Variants in TUBA1C observed in about 807,000 individuals in gnomAD.
The protein encoded by TUBA1C is tubulin alpha 1c, also known as tubulin alpha-1C chain.
A neutral mutation model predicts 34.9 loss-of-function variants in TUBA1C; 16 were observed. The ratio of observed to expected loss-of-function variants is 0.46; its 90% confidence interval spans 0.31 to 0.70. TUBA1C has a LOEUF of 0.70. Among genes scored for constraint, TUBA1C ranks in the 30% least tolerant of loss-of-function variants. The probability of loss-of-function intolerance (pLI) is 0.05; values close to 1 mark genes in which losing one functional copy is unlikely to be tolerated. For missense variants in TUBA1C, 329 were observed against 587.3 expected (o/e 0.56, Z 4.55); for synonymous variants, 177 against 215.9 (o/e 0.82, Z 1.58).
At position 49,273,045 on chromosome 12, in the gene TUBA1C, C is replaced by T. The variant is rs368180124; in HGVS notation, c.1168C>T (p.Arg390Cys). The T allele has an allele frequency of 9.9e-6, 16 of 1,614,158 alleles. No homozygotes were observed. Among genetic ancestry groups the T allele is most frequent in the Middle Eastern group, 1.6e-4 (1 of 6,062 alleles). The change falls in exon 4 of 4, where the codon CGC becomes TGC. Residue 390 changes from arginine to cysteine, a missense_variant. This residue lies in a region of TUBA1C where 140 missense variants were observed against 289.8 expected (regional missense o/e 0.48). Coordinates refer to ENST00000301072, the MANE Select transcript of TUBA1C (RefSeq NM_032704.5). ...CACAGCTGTTGCCGAGGCCTGGGCT[C>T]GCCTGGACCACAAGTTTGACCTGAT... ...NTTAVAEAWARLDHKFDLMYA... is the reference protein window; with the variant it reads ...NTTAVAEAWACLDHKFDLMYA...
Position 49,268,379 on chromosome 12 carries a change from A to C in TUBA1C, c.4-1086A>C, listed in dbSNP as rs560017740. Among the ~76,000 whole-genome samples the C allele has an allele frequency of 4.0e-5, 6 of 150,996 alleles. No individual in the cohort carries two copies. The East Asian group carries it at 5.8e-4, about 15-fold the overall frequency. ...CTCCCAAAGTCCTGGGATTACAGGC[A>C]TGAGCCACTGTGCTCTACCATAATT... On this transcript the variant is annotated intron_variant, in intron 1 of 3. Transcript: ENST00000301072.
intron 1 of TUBA1C, among the ~76,000 whole-genome samples, chr12:49,268,254 A>G (rs143285728): frequency 2.0e-5 from 3 of 152,092 alleles, no homozygotes; most frequent in African/African-American, 7.2e-5. Flanking sequence ...GCGCACCACC[A>G]TGCCTGGCTA....
At chr12:49,247,363 C>G (rs532007759) in intron 1 of TUBA1C, among the ~76,000 whole-genome samples, 6 of 145,906 alleles carry the variant, frequency 4.1e-5, no homozygotes, top group Admixed American at 1.4e-4. Context: ...TCAAGACCAG[C>G]CTGACCAATA....
rs537424428 is a variant in TUBA1C, at chr12:49,274,333, C to G, written c.*1106C>G. On this transcript the variant is annotated 3_prime_UTR_variant, in exon 4 of 4. Transcript: ENST00000301072. ...TTTTTTTGGTAGAGATGGGGTTTTG[C>G]CATGTTGCTTAGGCTGGCCTTGAAC... 6 of 106,526 alleles carry G rather than the reference C, an allele frequency of 5.6e-5. No homozygotes were observed. In the South Asian group the frequency reaches 2.1e-3, roughly 38 times the overall value. The allele number at this position is 106,526 out of a possible 1,614,324, so 6.6% of individuals were successfully genotyped here.
chr12:49,264,651 A>C, upstream of TUBA1C: 1 of 152,542 alleles, frequency 6.6e-6, no homozygotes, highest in Non-Finnish European at 1.5e-5. Flanking sequence ...TCGCCCTCTT[A>C]CCTGGAGCTT....
At chr12:49,265,455 A>G (rs1207728971) in intron 1 of TUBA1C, among the ~76,000 whole-genome samples, 1 of 152,226 alleles carries the variant, frequency 6.6e-6, no homozygotes, top group Non-Finnish European at 1.5e-5. Context: ...AGGGCCCGCT[A>G]CTGCCCTAGG....
In TUBA1C at chr12:49,272,665, C is replaced by G; in HGVS notation, c.788C>G (p.Pro263Arg). 3 of 1,610,684 alleles carry G rather than the reference C, an allele frequency of 1.9e-6. No individual in the cohort carries two copies. The highest frequency in any genetic ancestry group is 2.5e-6 in the Non-Finnish European group (3 of 1,179,056). The change falls in exon 4 of 4, where the codon CCC (proline) becomes CGC (arginine). Residue 263 changes from proline to arginine, a missense_variant. Around this residue, in one of 4 missense-constraint regions of TUBA1C, gnomAD observed 140 missense variants for 289.8 expected, o/e 0.48. Transcript: ENST00000301072. ...TTCCAGACCAACCTGGTGCCCTACC[C>G]CCGCATCCACTTCCCTCTGGCCACA... ...TEFQTNLVPYPRIHFPLATYA... is the reference protein window; with the variant it reads ...TEFQTNLVPYRRIHFPLATYA...
chr12:49,242,828 G>A (rs1020691846), intron 1 of TUBA1C, among the ~76,000 whole-genome samples: 10 of 152,014 alleles, frequency 6.6e-5, no homozygotes, highest in African/African-American at 2.2e-4. Flanking sequence ...TTTTGAGACA[G>A]GGTCTTACTC....
upstream of TUBA1C, among the ~76,000 whole-genome samples, chr12:49,261,169 G>C (rs1277245223): frequency 1.3e-5 from 2 of 151,934 alleles, no homozygotes; most frequent in African/African-American, 4.8e-5. Flanking sequence ...GGGCTCAGTG[G>C]CGCTGAGCCA....
intron 1 of TUBA1C, among the ~76,000 whole-genome samples, chr12:49,252,190 G>C (rs1206526993): frequency 6.6e-6 from 1 of 152,166 alleles, no homozygotes; most frequent in Non-Finnish European, 1.5e-5. Flanking sequence ...AGATGCACAG[G>C]TTAGGATGTT....
intron 1 of TUBA1C, among the ~76,000 whole-genome samples, chr12:49,258,432 TTTTG>T (rs1942808264): frequency 6.6e-6 from 1 of 151,928 alleles, no homozygotes; most frequent in Non-Finnish European, 1.5e-5. Flanking sequence ...ATGTTTTGTT[TTTTG>T]TTTTTCTTTT....
At chr12:49,254,068 T>C (rs917771856) in intron 1 of TUBA1C, among the ~76,000 whole-genome samples, 1 of 152,030 alleles carries the variant, frequency 6.6e-6, no homozygotes, top group Non-Finnish European at 1.5e-5. Flanking sequence ...TCCCAGCAGT[T>C]TGGGAGGCCG....
intron 1 of TUBA1C, among the ~76,000 whole-genome samples, chr12:49,249,084 T>A (rs529323630): frequency 6.6e-6 from 1 of 151,778 alleles, no homozygotes; most frequent in East Asian, 1.9e-4. Flanking sequence ...AAAACATATA[T>A]ATAAGAAGAA....
chr12:49,273,523 G>GCA lies in TUBA1C; in HGVS notation c.*296_*297insCA. The stretch of plus-strand genomic sequence containing the variant: ...TCCTGCTTCAGCCTCCTAAGTAGCT[G>GCA]GGGACTGCAGGTGCACACCACCATG... On this transcript the variant is annotated 3_prime_UTR_variant, in exon 4 of 4. Coordinates refer to ENST00000301072, the MANE Select transcript of TUBA1C (RefSeq NM_032704.5). The GCA allele has an allele frequency of 4.5e-6, 2 of 443,490 alleles. No homozygotes were observed. The highest frequency in any genetic ancestry group is 8.3e-6 in the Non-Finnish European group (2 of 241,084). The allele number at this position is 443,490 out of a possible 1,614,324, so 27.5% of individuals were successfully genotyped here.
At chr12:49,270,218 A>C in intron 3 of TUBA1C, 1 of 715,356 alleles carries the variant, frequency 1.4e-6, no homozygotes, top group African/African-American at 1.8e-5. Flanking sequence ...TTTTGAGGTC[A>C]TCTTAGTCAT....
At chr12:49,243,622 T>C (rs1236182293) in intron 1 of TUBA1C, among the ~76,000 whole-genome samples, 1 of 152,148 alleles carries the variant, frequency 6.6e-6, no homozygotes, top group Non-Finnish European at 1.5e-5. Context: ...TATCTATTTA[T>C]TTATTTTGAG....
At chr12:49,270,189 C>T in intron 3 of TUBA1C, 2 of 1,049,154 alleles carry the variant, frequency 1.9e-6, no homozygotes, top group Non-Finnish European at 2.8e-6. Context: ...GCCTATTTTG[C>T]TTCAAGCTGA....
intron 1 of TUBA1C, among the ~76,000 whole-genome samples, chr12:49,266,284 G>T (rs1942911074): frequency 6.9e-6 from 1 of 145,338 alleles, no homozygotes; most frequent in Admixed American, 7.0e-5. Flanking sequence ...AAAAAAATTA[G>T]CTGGGCGTGG....
At chr12:49,249,809 T>C (rs569446681) in intron 1 of TUBA1C, among the ~76,000 whole-genome samples, 3 of 151,958 alleles carry the variant, frequency 2.0e-5, no homozygotes, top group Non-Finnish European at 4.4e-5. Context: ...GAGGCTGCAG[T>C]GAGCTGAGGT....
Sources: gnomAD v4.1 joint callset for allele counts (sites outside exome capture counted in the v4.1 genomes callset) on GRCh38, gnomAD v4.1.1 for gene constraint, gnomAD v4.1.1 regional missense constraint, MANE v1.5 for transcripts, NCBI Gene and HGNC (gene_info 2026-07-23, HGNC 2026-07-21) for gene names.